Variants in CPNE4 observed in about 807,000 individuals in gnomAD.
CPNE4 encodes the protein copine-4.
A neutral mutation model predicts 67.9 loss-of-function variants in CPNE4; 25 were observed. That is an observed-to-expected ratio of 0.37 (90% CI 0.27 to 0.51). The LOEUF (loss-of-function observed/expected upper bound fraction) is 0.51, where lower values mean the gene tolerates loss of function less well. Among genes scored for constraint, CPNE4 ranks in the 20% least tolerant of loss-of-function variants. The probability of loss-of-function intolerance (pLI) is 0.93; values close to 1 mark genes in which losing one functional copy is unlikely to be tolerated. For synonymous variants in CPNE4, 242 were observed against 244.9 expected (o/e 0.99, Z 0.11); for missense variants, 464 against 690.8 (o/e 0.67, Z 3.68).
chr3:131,868,559 C>T (rs1463517), intron 2 of CPNE4, among the ~76,000 whole-genome samples: 3 of 152,004 alleles, frequency 2.0e-5, no homozygotes, highest in African/African-American at 7.3e-5. Flanking sequence ...ATAACTAATG[C>T]TTTTATTTAC....
At chr3:131,668,437 G>A (rs1241115026) in intron 7 of CPNE4, among the ~76,000 whole-genome samples, 1 of 152,118 alleles carries the variant, frequency 6.6e-6, no homozygotes, top group Non-Finnish European at 1.5e-5. Context: ...CTGCCTGATG[G>A]ACAGTGGAGG....
intron 2 of CPNE4, among the ~76,000 whole-genome samples, chr3:131,847,766 C>G (rs1484856183): frequency 6.6e-6 from 1 of 152,128 alleles, no homozygotes; most frequent in East Asian, 1.9e-4. Context: ...TCCCACTTTT[C>G]TATGGTCATG....
intron 1 of CPNE4, among the ~76,000 whole-genome samples, chr3:131,939,735 C>G (rs537899310): frequency 2.2e-4 from 34 of 152,218 alleles, no homozygotes; most frequent in African/African-American, 7.7e-4. Context: ...GTTCTAAACA[C>G]TTATATATTT....
chr3:131,799,593 A>T (rs1041086050), intron 2 of CPNE4, among the ~76,000 whole-genome samples: 6 of 151,910 alleles, frequency 3.9e-5, no homozygotes, highest in Non-Finnish European at 7.4e-5. Flanking sequence ...TTCTTTCACG[A>T]CCTCCTCCCT....
chr3:131,569,591 GTGTGCTACTGCAC>G (rs1164349395), intron 10 of CPNE4, among the ~76,000 whole-genome samples: 1 of 150,358 alleles, frequency 6.7e-6, no homozygotes. Context: ...TGAGCTTCCA[GTGTGCTACTGCAC>G]TGCACTCCGG....
At chr3:131,844,335 C>T (rs899992365) in intron 2 of CPNE4, among the ~76,000 whole-genome samples, 1 of 151,344 alleles carries the variant, frequency 6.6e-6, no homozygotes, top group Admixed American at 6.6e-5. Context: ...GGCACAATCT[C>T]AGCTCACTGC....
At position 131,564,360 on chromosome 3, in the gene CPNE4, A is replaced by G; in HGVS notation, c.928-11T>C. On this transcript the variant is annotated splice_polypyrimidine_tract_variant and intron_variant, in intron 10 of 15. Transcript: ENST00000429747. Reference sequence around the variant, plus strand: ...GAAATCTATAGCTACCTAAAAGAGAAAAATACAAGAAAAGGTAAATTTAAA... The same window carrying G: ...GAAATCTATAGCTACCTAAAAGAGAGAAATACAAGAAAAGGTAAATTTAAA... The G allele has an allele frequency of 6.2e-7, 1 of 1,605,934 alleles. No homozygotes were observed. The highest frequency in any genetic ancestry group is 8.5e-7 in the Non-Finnish European group (1 of 1,176,664).
At chr3:131,807,325 T>A (rs1387370291) in intron 2 of CPNE4, among the ~76,000 whole-genome samples, 1 of 152,214 alleles carries the variant, frequency 6.6e-6, no homozygotes, top group East Asian at 1.9e-4. Flanking sequence ...TTTTGGGTTT[T>A]AAAAATTGTT....
chr3:131,702,797 T>C lies in CPNE4; in HGVS notation c.361-2817A>G, dbSNP rs554331953. On this transcript the variant is annotated intron_variant, in intron 3 of 15. Transcript: ENST00000429747. ...CTCTTAACTTATCTAGAAATACCAA[T>C]GTTCCATTTGCAGGGAATGAAGAAA... is the stretch of plus-strand genomic sequence containing the variant. Among the ~76,000 whole-genome samples, 4 of 152,330 alleles carry C rather than the reference T, an allele frequency of 2.6e-5. No individual in the cohort carries two copies. In the South Asian group the frequency reaches 8.3e-4, roughly 32 times the overall value.
intron 2 of CPNE4, among the ~76,000 whole-genome samples, chr3:131,831,584 G>T (rs1457375634): frequency 6.6e-6 from 1 of 152,072 alleles, no homozygotes; most frequent in Non-Finnish European, 1.5e-5. Context: ...TCTCTTCTAT[G>T]TTGAAAATGA....
chr3:131,955,445 T>C (rs2071934273), intron 1 of CPNE4, among the ~76,000 whole-genome samples: 2 of 140,106 alleles, frequency 1.4e-5, no homozygotes, highest in Non-Finnish European at 3.1e-5. Context: ...GTATGCTTTC[T>C]ACATTCCCTC....
chr3:131,560,612 G>A (rs1314240171), intron 11 of CPNE4, among the ~76,000 whole-genome samples: 3 of 151,982 alleles, frequency 2.0e-5, no homozygotes, highest in African/African-American at 7.2e-5. Flanking sequence ...TTATTTACAC[G>A]TGTTTCTGCC....
intron 7 of CPNE4, among the ~76,000 whole-genome samples, chr3:131,598,228 C>G (rs1306940169): frequency 6.6e-6 from 1 of 152,150 alleles, no homozygotes; most frequent in Non-Finnish European, 1.5e-5. Flanking sequence ...GCAAGCTTCT[C>G]AACTCCTCCA....
At chr3:131,793,292 GA>G (rs2083830025) in intron 2 of CPNE4, among the ~76,000 whole-genome samples, 1 of 152,118 alleles carries the variant, frequency 6.6e-6, no homozygotes, top group African/African-American at 2.4e-5. Context: ...ACAGGATCAA[GA>G]GGGAAATTTT....
chr3:131,974,633 C>A (rs1029432887), intron 1 of CPNE4, among the ~76,000 whole-genome samples: 3 of 152,168 alleles, frequency 2.0e-5, no homozygotes, highest in African/African-American at 7.2e-5. Flanking sequence ...CTCCTCCCTG[C>A]CTCCCATACT....
intron 7 of CPNE4, among the ~76,000 whole-genome samples, chr3:131,601,192 C>T (rs903002583): frequency 1.3e-5 from 2 of 151,558 alleles, no homozygotes; most frequent in East Asian, 1.9e-4. Context: ...CTTTGGCTAC[C>T]CAGTTCATTC....
chr3:131,955,350 T>G (rs2071915683), intron 1 of CPNE4, among the ~76,000 whole-genome samples: 1 of 150,380 alleles, frequency 6.6e-6, no homozygotes, highest in Non-Finnish European at 1.5e-5. Context: ...TATTTATTTT[T>G]TCTCACAAAA....
Position 132,034,646 on chromosome 3 carries a change from G to T in CPNE4, c.-81C>A. ...GTCCCGCCCCCAGGATGCAAAATCC[G>T]GCTTTGAAGTGGAGGTGGTTGGTGT... On this transcript the variant is annotated 5_prime_UTR_variant, in exon 1 of 16. Coordinates refer to ENST00000429747, the MANE Select transcript of CPNE4 (RefSeq NM_130808.3). The T allele has an allele frequency of 3.0e-6, 3 of 985,408 alleles. No homozygotes were observed. Among genetic ancestry groups the T allele is most frequent in the Non-Finnish European group, 3.6e-6 (3 of 829,994 alleles). 61.0% of individuals were successfully genotyped at this position (985,408 alleles called of 1,614,324 possible). A position where few individuals can be genotyped will look rare whatever the true frequency, so the allele number is the denominator to read the frequency against.
chr3:131,536,902 C>G (rs1935178386), intron 15 of CPNE4, among the ~76,000 whole-genome samples: 1 of 152,204 alleles, frequency 6.6e-6, no homozygotes, highest in African/African-American at 2.4e-5. Context: ...CCTTGATTTT[C>G]CAGCTTCCTT....
Sources: allele counts gnomAD v4.1 joint callset (sites outside exome capture counted in the v4.1 genomes callset), GRCh38; gene constraint gnomAD v4.1.1; transcripts MANE v1.5; gene names NCBI Gene and HGNC (gene_info 2026-07-23, HGNC 2026-07-21).